GRID2: variants seen among roughly 807,000 people sequenced by gnomAD.
GRID2 encodes glutamate receptor ionotropic, delta-2.
GRID2 carries 33 observed loss-of-function variants against 114.8 expected under a neutral mutation model. That is an observed-to-expected ratio of 0.29 (90% confidence interval 0.22 to 0.38). The LOEUF is 0.38. Among genes scored for constraint, GRID2 ranks in the 10% least tolerant of loss-of-function variants. The pLI is 1.00. For missense variants in GRID2, 1,184 were observed against 1,257.7 expected (o/e 0.94, Z 0.89); for synonymous variants, 505 against 449.9 (o/e 1.12, Z -1.55).
chr4:92,497,168 G>C (rs975581116), intron 1 of GRID2, among the ~76,000 whole-genome samples: 1 of 151,740 alleles, frequency 6.6e-6, no homozygotes. Context: ...AGACTTTGTT[G>C]TTCACTTTAA....
At chr4:93,362,393 C>T (rs1761960527) in intron 8 of GRID2, among the ~76,000 whole-genome samples, 1 of 151,846 alleles carries the variant, frequency 6.6e-6, no homozygotes, top group Non-Finnish European at 1.5e-5. Context: ...ATCTGGCTTT[C>T]TTGGTGATCC....
chr4:92,627,181 A>G (rs1730564108), intron 2 of GRID2, among the ~76,000 whole-genome samples: 1 of 152,120 alleles, frequency 6.6e-6, no homozygotes, highest in Non-Finnish European at 1.5e-5. Context: ...CTAGAGATCT[A>G]TAGTATACGT....
chr4:92,930,435 A>G (rs1578507055), intron 2 of GRID2, among the ~76,000 whole-genome samples: 1 of 151,386 alleles, frequency 6.6e-6, no homozygotes, highest in East Asian at 1.9e-4. Context: ...AAAATATTAA[A>G]GAAGGCTTAA....
At chr4:92,499,287 C>T (rs189082277) in intron 1 of GRID2, among the ~76,000 whole-genome samples, 8 of 152,172 alleles carry the variant, frequency 5.3e-5, no homozygotes, top group Non-Finnish European at 1.2e-4. Context: ...TCCTGCCCTA[C>T]CAAAACTTTG....
At chr4:93,603,780 C>A (rs1489797842) in intron 13 of GRID2, among the ~76,000 whole-genome samples, 1 of 152,168 alleles carries the variant, frequency 6.6e-6, no homozygotes, top group African/African-American at 2.4e-5. Flanking sequence ...TATGCTAAAT[C>A]TACTCTGCCT....
chr4:92,464,815 G>T (rs1038418248), intron 1 of GRID2, among the ~76,000 whole-genome samples: 2 of 152,098 alleles, frequency 1.3e-5, no homozygotes, highest in Non-Finnish European at 2.9e-5. Flanking sequence ...GAGAGGTTTG[G>T]CTCTGTGTCC....
At chr4:93,615,034 C>T (rs1451606733) in intron 13 of GRID2, among the ~76,000 whole-genome samples, 1 of 152,164 alleles carries the variant, frequency 6.6e-6, no homozygotes, top group African/African-American at 2.4e-5. Flanking sequence ...GTGTGCAATG[C>T]TGCTCTTATC....
intron 8 of GRID2, among the ~76,000 whole-genome samples, chr4:93,253,852 T>C (rs1579438362): frequency 6.6e-5 from 10 of 152,268 alleles, no homozygotes; most frequent in Middle Eastern, 3.4e-3. Flanking sequence ...ATTATGTTCA[T>C]GACACTTAAG....
intron 8 of GRID2, among the ~76,000 whole-genome samples, chr4:93,253,413 TA>T (rs1193106206): frequency 6.6e-6 from 1 of 152,158 alleles, no homozygotes; most frequent in Non-Finnish European, 1.5e-5. Context: ...GTTCTAATTT[TA>T]AAAATTAATA....
At chr4:93,442,360 C>A (rs1405854387) in intron 10 of GRID2, among the ~76,000 whole-genome samples, 2 of 151,994 alleles carry the variant, frequency 1.3e-5, no homozygotes, top group South Asian at 2.1e-4. Flanking sequence ...CTGGAAAACT[C>A]TTTCTGATGG....
At position 93,241,547 on chromosome 4, in the gene GRID2, A is replaced by G. The variant is rs920164080; in HGVS notation, c.1245+3057A>G. Among the ~76,000 whole-genome samples the G allele has an allele frequency of 2.6e-5, 4 of 152,004 alleles. No individual in the cohort carries two copies. The East Asian group carries it at 5.8e-4, about 22-fold the overall frequency. ...AAATTATAATTATGCTTATGTTTAC[A>G]TAAAATTATTTGATTTGCTACCACC... is the stretch of plus-strand genomic sequence containing the variant. On this transcript the variant is annotated intron_variant, in intron 8 of 15. Transcript: ENST00000282020.
At chr4:93,776,445 G>A (rs1734371667), downstream of GRID2, among the ~76,000 whole-genome samples, 1 of 152,202 alleles carries the variant, frequency 6.6e-6, no homozygotes, top group African/African-American at 2.4e-5. Flanking sequence ...AATTCTACTA[G>A]TGTTAACAGA....
chr4:93,223,601 C>A (rs1745143366), intron 6 of GRID2, among the ~76,000 whole-genome samples: 1 of 152,068 alleles, frequency 6.6e-6, no homozygotes, highest in Admixed American at 6.6e-5. Context: ...ACCGTGATAA[C>A]AATATACTTT....
intron 1 of GRID2, among the ~76,000 whole-genome samples, chr4:92,373,260 T>C (rs1051804356): frequency 5.3e-5 from 8 of 152,302 alleles, no homozygotes; most frequent in Admixed American, 4.6e-4. Flanking sequence ...AGGGGAAGTG[T>C]GGTCATTTTC....
intron 2 of GRID2, among the ~76,000 whole-genome samples, chr4:92,609,424 A>C (rs1729615001): frequency 6.6e-6 from 1 of 151,360 alleles, no homozygotes; most frequent in Admixed American, 6.7e-5. Context: ...TCCAGATTGA[A>C]GAGTTAGTAT....
intron 2 of GRID2, among the ~76,000 whole-genome samples, chr4:92,711,360 C>T (rs1735239982): frequency 6.6e-6 from 1 of 152,108 alleles, no homozygotes; most frequent in Non-Finnish European, 1.5e-5. Flanking sequence ...GCAGTCCGAC[C>T]TGGGGGCTTG....
intron 1 of GRID2, among the ~76,000 whole-genome samples, chr4:92,573,985 G>A (rs187491788): frequency 1.2e-3 from 178 of 152,250 alleles, no homozygotes; most frequent in Non-Finnish European, 2.2e-3. Context: ...GAGTCTGGGT[G>A]CTCCTGTATT....
chr4:93,595,785 A>G (rs1178928274), intron 13 of GRID2, among the ~76,000 whole-genome samples: 2 of 152,160 alleles, frequency 1.3e-5, no homozygotes, highest in African/African-American at 4.8e-5. Flanking sequence ...ATATTACTTT[A>G]ATTTCTGTGT....
At chr4:93,176,030 C>A (rs1739318145) in intron 4 of GRID2, among the ~76,000 whole-genome samples, 1 of 152,158 alleles carries the variant, frequency 6.6e-6, no homozygotes, top group African/African-American at 2.4e-5. Flanking sequence ...GAGCTAATAG[C>A]AGTCATAATA....
Sources: gnomAD v4.1 joint callset for allele counts (sites outside exome capture counted in the v4.1 genomes callset) on GRCh38, gnomAD v4.1.1 for gene constraint, MANE v1.5 for transcripts, NCBI Gene and HGNC (gene_info 2026-07-23, HGNC 2026-07-21) for gene names.